The following SSX2IP variants were observed in gnomAD, a reference collection of about 807,000 sequenced individuals.
The protein encoded by SSX2IP is afadin- and alpha-actinin-binding protein.
Under a neutral mutation model 84.9 loss-of-function variants are expected in SSX2IP, and 55 were observed. That is an observed-to-expected ratio of 0.65 (90% CI 0.52 to 0.81). The LOEUF is 0.81. Ranked by LOEUF, SSX2IP falls within the 30% of genes least tolerant of loss-of-function variation. SSX2IP has a pLI of 0.00. For synonymous variants in SSX2IP, 239 were observed against 234.7 expected, an observed-to-expected ratio of 1.02 and a Z score of -0.17; for missense variants, 664 against 705.2, an observed-to-expected ratio of 0.94 and a Z score of 0.66.
intron 10 of SSX2IP, 148 bp downstream of exon 10, chr1:84,656,200 G>T: frequency 1.1e-6 from 1 of 915,884 alleles, no homozygotes; most frequent in Non-Finnish European, 1.6e-6. Flanking sequence ...TTAAGGAGTG[G>T]TACACAATGT....
Position 84,666,249 on chromosome 1 carries a change from C to T in SSX2IP, c.427-17G>A, listed in dbSNP as rs766954383. 1.9e-6 allele frequency: 3 copies of T among 1,585,818 alleles called. No individual in the cohort carries two copies. The highest frequency in any genetic ancestry group is 2.6e-6 in the Non-Finnish European group (3 of 1,160,522). ...CAGTTGTTCCTAAAACATTTATAAG[C>T]AATTTTGCTTAAAATTAATAAAGGA... is the stretch of plus-strand genomic sequence containing the variant. On this transcript the variant is annotated splice_polypyrimidine_tract_variant and intron_variant, in intron 4 of 13. Transcript: ENST00000342203.
chr1:84,647,456 C>T lies in SSX2IP; in HGVS notation c.1822G>A (p.Val608Ile). The change falls in exon 14 of 14, where the codon GTA (valine) becomes ATA (isoleucine). Residue 608 changes from valine to isoleucine, a missense_variant. Coordinates refer to ENST00000342203, the MANE Select transcript of SSX2IP (RefSeq NM_001166293.2). Reference protein sequence around the residue: ...GCSLSYTNSHVEKDDLP With the variant: ...GCSLSYTNSHIEKDDLP ...GTCTAAGGTAAGTCATCTTTTTCTA[C>T]ATGAGAATTTGTGTAGCTCAAGGAG... is the stretch of plus-strand genomic sequence containing the variant. 1.2e-6 allele frequency: 2 copies of T among 1,603,360 alleles called. No homozygotes were observed. The highest frequency in any genetic ancestry group is 1.7e-6 in the Non-Finnish European group (2 of 1,175,196).
chr1:84,667,250 A>C (rs973772694), intron 4 of SSX2IP, among the ~76,000 whole-genome samples: 8 of 152,112 alleles, frequency 5.3e-5, no homozygotes, highest in Non-Finnish European at 1.2e-4. Flanking sequence ...TTCTTAGTGA[A>C]TCACATCGCC....
chr1:84,689,934 G>C (rs1276930338), intron 1 of SSX2IP, among the ~76,000 whole-genome samples: 1 of 152,148 alleles, frequency 6.6e-6, no homozygotes, highest in Non-Finnish European at 1.5e-5. Flanking sequence ...GGCTGCACTA[G>C]CAAATCGCCA....
intron 4 of SSX2IP, among the ~76,000 whole-genome samples, chr1:84,668,117 G>A (rs1419799850): frequency 6.6e-6 from 1 of 152,128 alleles, no homozygotes; most frequent in African/African-American, 2.4e-5. Context: ...TTCTGGCCCA[G>A]GTCAAATCCC....
chr1:84,656,852 T>C (rs192481931), intron 9 of SSX2IP, among the ~76,000 whole-genome samples: 62 of 152,252 alleles, frequency 4.1e-4, no homozygotes, highest in Middle Eastern at 3.4e-3. Context: ...AAAATGGCCA[T>C]ATTCAGAGAA....
chr1:84,670,102 C>A, intron 3 of SSX2IP: 1 of 408,162 alleles, frequency 2.5e-6, no homozygotes. Flanking sequence ...GGGAGGTATG[C>A]ACACTGAGCC....
intron 11 of SSX2IP, chr1:84,655,320 T>A (rs1557473766): frequency 9.3e-7 from 1 of 1,070,428 alleles, no homozygotes; most frequent in Non-Finnish European, 1.1e-6. Flanking sequence ...TTTTTTTTTT[T>A]AACCTTATTC....
At chr1:84,670,591 TAC>T in intron 3 of SSX2IP, 53 bp downstream of exon 3, 1 of 1,234,920 alleles carries the variant, frequency 8.1e-7, no homozygotes, top group Non-Finnish European at 1.1e-6. Flanking sequence ...ATAATTTTGA[TAC>T]ATTCTATTAT....
At chr1:84,677,367 A>G (rs537276389) in intron 1 of SSX2IP, among the ~76,000 whole-genome samples, 10 of 152,262 alleles carry the variant, frequency 6.6e-5, no homozygotes, top group African/African-American at 2.4e-4. Context: ...CTGGTTAATC[A>G]CATCTGTTTT....
chr1:84,666,065 T>G, intron 5 of SSX2IP, 57 bp downstream of exon 5: 1 of 1,316,938 alleles, frequency 7.6e-7, no homozygotes, highest in South Asian at 1.2e-5. Context: ...GGTCATCTCA[T>G]ATTACAAAGA....
At chr1:84,671,104 T>G (rs1653510387) in intron 2 of SSX2IP, 73 bp downstream of exon 2, 1 of 1,535,162 alleles carries the variant, frequency 6.5e-7, no homozygotes. Flanking sequence ...CTGCAGTAAT[T>G]ATTTTATATT....
At position 84,647,393 on chromosome 1, in the gene SSX2IP, T is replaced by C. The variant is rs749801760; in HGVS notation, c.*40A>G. On this transcript the variant is annotated 3_prime_UTR_variant, in exon 14 of 14. Coordinates refer to ENST00000342203, the MANE Select transcript of SSX2IP (RefSeq NM_001166293.2). ...CCCTGTTTCAACTTAGATGTGAAAC[T>C]TGATGAACACATTAATGAAAAAAAT... 1 of 1,507,452 alleles carries C rather than the reference T, an allele frequency of 6.6e-7. No homozygotes were observed. The highest frequency in any genetic ancestry group is 8.9e-7 in the Non-Finnish European group (1 of 1,122,036). 93.4% of individuals were successfully genotyped at this position (1,507,452 alleles called of 1,614,324 possible).
intron 1 of SSX2IP, among the ~76,000 whole-genome samples, chr1:84,681,215 T>C (rs1655037662): frequency 6.6e-6 from 1 of 152,196 alleles, no homozygotes; most frequent in Admixed American, 6.5e-5. Context: ...TCTAGGCATA[T>C]AAGAGAGCAA....
At chr1:84,658,624 T>A (rs922402983) in intron 8 of SSX2IP, among the ~76,000 whole-genome samples, 156 bp from the exon 9 acceptor site, 10 of 152,238 alleles carry the variant, frequency 6.6e-5, no homozygotes, top group African/African-American at 2.4e-4. Flanking sequence ...TTAAATGTCT[T>A]GAGAAAAAAA....
At chr1:84,676,719 C>CTTTTTTTTTTTTTTTTT (rs61017474) in intron 1 of SSX2IP, among the ~76,000 whole-genome samples, 1 of 99,460 alleles carries the variant, frequency 1.0e-5, no homozygotes, top group Non-Finnish European at 1.8e-5. Flanking sequence ...TGCTCTTTTC[C>CTTTTTTTTTTTTTTTTT]TTTTTTTTTT....
At chr1:84,667,711 A>G (rs531666475) in intron 4 of SSX2IP, among the ~76,000 whole-genome samples, 3 of 152,194 alleles carry the variant, frequency 2.0e-5, no homozygotes, top group African/African-American at 7.2e-5. Flanking sequence ...GTTCCTCTAA[A>G]GTGCAGTGAT....
chr1:84,655,292 T>G (rs1281220147), intron 11 of SSX2IP: 2 of 1,058,898 alleles, frequency 1.9e-6, no homozygotes, highest in Non-Finnish European at 2.3e-6. Context: ...GTAGCTTTTT[T>G]TAATGAGTTT....
At chr1:84,654,081 A>G (rs766178624) in intron 11 of SSX2IP, among the ~76,000 whole-genome samples, 1 of 152,008 alleles carries the variant, frequency 6.6e-6, no homozygotes, top group Admixed American at 6.6e-5. Context: ...CAACCTGTAG[A>G]TATATATTCA....
Sources: gnomAD v4.1 joint callset for allele counts (sites outside exome capture counted in the v4.1 genomes callset) on GRCh38, gnomAD v4.1.1 for gene constraint, MANE v1.5 for transcripts, NCBI Gene and HGNC (gene_info 2026-07-23, HGNC 2026-07-21) for gene names.